The following TP63 variants were observed in gnomAD, a reference collection of about 807,000 sequenced individuals.
TP63 encodes the protein tumor protein 63.
A neutral mutation model predicts 82.8 loss-of-function variants in TP63; 17 were observed. The observed-to-expected ratio is 0.21, with a 90% CI of 0.14 to 0.31. TP63 has a LOEUF of 0.31. Among genes scored for constraint, TP63 ranks in the 10% least tolerant of loss-of-function variants. The pLI, the probability that TP63 is intolerant of heterozygous loss-of-function variation, is 1.00. For synonymous variants in TP63, 330 were observed against 321.7 expected (o/e 1.03, Z -0.28); for missense variants, 648 against 895.3 (o/e 0.72, Z 3.52).
At chr3:189,675,338 GA>G (rs1196848713) in intron 1 of TP63, among the ~76,000 whole-genome samples, 1 of 151,892 alleles carries the variant, frequency 6.6e-6, no homozygotes, top group East Asian at 1.9e-4. Flanking sequence ...GTCATCAGAA[GA>G]TAATTATTGA....
chr3:189,768,119 A>G (rs930688711), intron 3 of TP63, among the ~76,000 whole-genome samples: 2 of 152,100 alleles, frequency 1.3e-5, no homozygotes, highest in Non-Finnish European at 2.9e-5. Context: ...ATAACTAACC[A>G]TCTCTAGGTT....
chr3:189,870,967 C>T (rs746213044), intron 9 of TP63, among the ~76,000 whole-genome samples: 6 of 152,120 alleles, frequency 3.9e-5, no homozygotes, highest in East Asian at 1.9e-4. Flanking sequence ...ACCAATCAGA[C>T]GGTGAGTTAG....
At chr3:189,883,191 T>TA (rs1553861494) in intron 10 of TP63, among the ~76,000 whole-genome samples, 21,141 of 152,038 alleles carry the variant, frequency 0.14, 1,788 homozygotes, top group South Asian at 0.21. Context: ...TAATTTTTTT[T>TA]AAAAAAGGTT....
chr3:189,888,163 T>A (rs1249853439), intron 11 of TP63, among the ~76,000 whole-genome samples: 1 of 152,022 alleles, frequency 6.6e-6, no homozygotes, highest in Non-Finnish European at 1.5e-5. Context: ...TGGCCACACA[T>A]TCATATTTTA....
chr3:189,669,318 C>A (rs1714686988), intron 1 of TP63, among the ~76,000 whole-genome samples: 1 of 147,388 alleles, frequency 6.8e-6, no homozygotes, highest in Non-Finnish European at 1.5e-5. Flanking sequence ...TTATGGTAAA[C>A]AAACTGAGGA....
chr3:189,795,334 T>G (rs774295097), intron 3 of TP63, among the ~76,000 whole-genome samples: 38 of 152,084 alleles, frequency 2.5e-4, no homozygotes, highest in Non-Finnish European at 4.6e-4. Flanking sequence ...AATTAGTAAT[T>G]CACAGCTTCT....
At chr3:189,662,681 C>A (rs73194199) in intron 1 of TP63, among the ~76,000 whole-genome samples, 50,601 of 151,574 alleles carry the variant, frequency 0.33, 9,457 homozygotes, top group Middle Eastern at 0.54. Context: ...TATTTCAATT[C>A]CTTAAATAGG....
chr3:189,802,843 A>G (rs1726462598), intron 3 of TP63, among the ~76,000 whole-genome samples: 1 of 152,288 alleles, frequency 6.6e-6, no homozygotes, highest in South Asian at 2.1e-4. Context: ...TTGAATCGAG[A>G]TAAGTTATGA....
At position 189,677,392 on chromosome 3, in the gene TP63, A is replaced by ATG. The variant is rs202086883; in HGVS notation, c.62+45821_62+45822dup. Among the ~76,000 whole-genome samples, 810 of 99,294 alleles carry ATG rather than the reference A, an allele frequency of 8.2e-3. 7 individuals are homozygous for ATG. The highest frequency in any genetic ancestry group is 0.037 in the African/African-American group (775 of 21,060). 65.1% of individuals were successfully genotyped at this position (99,294 alleles called of 152,430 possible). Reference sequence around the variant, plus strand: ...TATATGTAAATAATTATATATAAATATGTGTGTATATATATACATATATAC... The same window carrying ATG: ...TATATGTAAATAATTATATATAAATATGTGTGTGTATATATATACATATATAC... On this transcript the variant is annotated intron_variant, in intron 1 of 13. Transcript: ENST00000264731.
intron 1 of TP63, among the ~76,000 whole-genome samples, chr3:189,722,478 C>G (rs929147138): frequency 6.6e-6 from 1 of 152,158 alleles, no homozygotes; most frequent in Non-Finnish European, 1.5e-5. Context: ...GGAATCAACC[C>G]CTTCACTTCA....
chr3:189,739,806 AT>A (rs1720851336), intron 3 of TP63, among the ~76,000 whole-genome samples: 1 of 132,042 alleles, frequency 7.6e-6, no homozygotes, highest in Non-Finnish European at 1.6e-5. Flanking sequence ...TTTTTTAATC[AT>A]TTATTTACGG....
chr3:189,706,980 G>C (rs73892315), intron 1 of TP63, among the ~76,000 whole-genome samples: 1 of 150,852 alleles, frequency 6.6e-6, no homozygotes, highest in East Asian at 1.9e-4. Flanking sequence ...ATTCTGTTAT[G>C]GTTCCTTAAA....
rs554780184 is a variant in TP63, at chr3:189,693,125, G to A, written c.63-44615G>A. Among the ~76,000 whole-genome samples the A allele has an allele frequency of 2.2e-3, 339 of 152,242 alleles. No homozygotes were observed. In the Middle Eastern group the frequency reaches 0.027, roughly 12 times the overall value. ...TTATCTCAAGCATCTACTCCGTTAT[G>A]TGGCTTCATCAATAAAATAATTGAA... On this transcript the variant is annotated intron_variant, in intron 1 of 13. Coordinates refer to ENST00000264731, the MANE Select transcript of TP63 (RefSeq NM_003722.5).
intron 1 of TP63, among the ~76,000 whole-genome samples, chr3:189,652,703 T>A (rs1298954901): frequency 6.8e-6 from 1 of 146,846 alleles, no homozygotes; most frequent in Non-Finnish European, 1.5e-5. Flanking sequence ...GAATTTTAGT[T>A]CCCATAATCC....
At chr3:189,627,900 C>T (rs1199740961), upstream of TP63, among the ~76,000 whole-genome samples, 1 of 152,106 alleles carries the variant, frequency 6.6e-6, no homozygotes, top group African/African-American at 2.4e-5. Flanking sequence ...CATAAAGTAA[C>T]TCTAAGAGGT....
chr3:189,793,340 A>G (rs1725354810), intron 3 of TP63, among the ~76,000 whole-genome samples: 1 of 152,132 alleles, frequency 6.6e-6, no homozygotes, highest in Non-Finnish European at 1.5e-5. Flanking sequence ...TCACACGTAC[A>G]GCAGAAAGCA....
intron 10 of TP63, among the ~76,000 whole-genome samples, chr3:189,878,338 AT>A (rs1434976106): frequency 6.8e-6 from 1 of 147,236 alleles, no homozygotes; most frequent in African/African-American, 2.5e-5. Context: ...ATTTCATATG[AT>A]TCACCCTTAT....
At chr3:189,854,119 T>C (rs1715997291) in intron 4 of TP63, among the ~76,000 whole-genome samples, 1 of 152,198 alleles carries the variant, frequency 6.6e-6, no homozygotes, top group Non-Finnish European at 1.5e-5. Context: ...CAGTAAGAGT[T>C]GGCTAGATTA....
At chr3:189,691,096 C>T (rs920092301) in intron 1 of TP63, among the ~76,000 whole-genome samples, 4 of 152,040 alleles carry the variant, frequency 2.6e-5, no homozygotes, top group Admixed American at 2.6e-4. Context: ...CAGCACTTTG[C>T]AAAGGCTGAG....
Sources: allele counts gnomAD v4.1 joint callset (sites outside exome capture counted in the v4.1 genomes callset), GRCh38; gene constraint gnomAD v4.1.1; transcripts MANE v1.5; gene names NCBI Gene and HGNC (gene_info 2026-07-23, HGNC 2026-07-21).